Variants in DRD3 observed in about 807,000 individuals in gnomAD.
The protein encoded by DRD3 is dopamine receptor D3, also known as D(3) dopamine receptor.
Under a neutral mutation model 36.3 loss-of-function variants are expected in DRD3, and 19 were observed. The observed-to-expected ratio is 0.52, with a 90% CI of 0.36 to 0.77. The LOEUF is 0.77. DRD3 is among the 30% of genes least tolerant of loss of function. The probability of loss-of-function intolerance (pLI) is 0.00; values close to 1 mark genes in which losing one functional copy is unlikely to be tolerated. For synonymous variants in DRD3, 195 were observed against 203.7 expected, an observed-to-expected ratio of 0.96 and a Z score of 0.36; for missense variants, 465 against 505.3, an observed-to-expected ratio of 0.92 and a Z score of 0.77.
rs138574229 is a variant in DRD3 at position 114,166,078 on chromosome 3, C to T, written c.270+5645G>A. 1.2e-3 allele frequency among the ~76,000 whole-genome samples: 184 copies of T among 151,358 alleles called. 1 individual carries two copies. The highest frequency in any genetic ancestry group is 4.3e-3 in the African/African-American group (179 of 41,230). ...TCGGCTCACTGCAACCTCTGCCTCC[C>T]GGGTTCAAGCGATTCTTCTGCCTTA... On this transcript the variant is annotated intron_variant, in intron 2 of 6. Transcript: ENST00000383673.
intron 1 of DRD3, among the ~76,000 whole-genome samples, chr3:114,177,391 CTAAGA>C (rs776665196): frequency 1.3e-5 from 2 of 152,112 alleles, no homozygotes; most frequent in Non-Finnish European, 2.9e-5. Flanking sequence ...TACTGAGTAG[CTAAGA>C]TAACAGTTTT....
chr3:114,160,423 T>C (rs2077721913), intron 2 of DRD3, among the ~76,000 whole-genome samples: 1 of 152,138 alleles, frequency 6.6e-6, no homozygotes. Context: ...AAATCTTCAT[T>C]TTTAAATAAA....
In DRD3 at chr3:114,178,068, C is replaced by T. The variant is rs538744057; in HGVS notation, c.-36+589G>A. ...CAATGACTTCTGTTGCCCCAGTAAG[C>T]TACAGCAAGTAATGGAAGTCTCACA... On this transcript the variant is annotated intron_variant, in intron 1 of 6. Transcript: ENST00000383673. 1.2e-4 allele frequency among the ~76,000 whole-genome samples: 19 copies of T among 152,252 alleles called. No homozygotes were observed. The South Asian group carries it at 3.7e-3, about 30-fold the overall frequency.
intron 3 of DRD3, among the ~76,000 whole-genome samples, chr3:114,157,598 G>A (rs533197899): frequency 1.3e-5 from 2 of 152,238 alleles, no homozygotes; most frequent in South Asian, 4.1e-4. Context: ...TGTAGCAACA[G>A]CCTCACATTT....
intron 2 of DRD3, among the ~76,000 whole-genome samples, chr3:114,167,114 C>T (rs753843518): frequency 1.2e-4 from 19 of 152,174 alleles, no homozygotes; most frequent in Non-Finnish European, 2.2e-4. Flanking sequence ...AGTCCGACCT[C>T]GATCGCTTTT....
chr3:114,143,566 G>T (rs1212744936), intron 4 of DRD3, among the ~76,000 whole-genome samples: 1 of 152,212 alleles, frequency 6.6e-6, no homozygotes, highest in Non-Finnish European at 1.5e-5. Context: ...TGATGGATTT[G>T]ACCCCAGCTT....
At chr3:114,192,163 C>T (rs1416537697) in intron 1 of DRD3, among the ~76,000 whole-genome samples, 1 of 152,196 alleles carries the variant, frequency 6.6e-6, no homozygotes, top group Non-Finnish European at 1.5e-5. Context: ...ATTTTGCTTT[C>T]TCTGACTGGG....
Position 114,147,565 on chromosome 3 carries a change from A to G in DRD3, c.384-8T>C. On this transcript the variant is annotated splice_region_variant and splice_polypyrimidine_tract_variant and intron_variant, in intron 3 of 6. Transcript: ENST00000383673. Reference sequence around the variant, plus strand: ...ATGACCACTGCAGTGTACCTGAAAAAGCAAGGGGAGAGGGGATAGGCATGG... The same window carrying G: ...ATGACCACTGCAGTGTACCTGAAAAGGCAAGGGGAGAGGGGATAGGCATGG... The G allele has an allele frequency of 1.9e-6, 3 of 1,605,152 alleles. No homozygotes were observed. Among genetic ancestry groups the G allele is most frequent in the Non-Finnish European group, 2.6e-6 (3 of 1,172,592 alleles).
intron 3 of DRD3, among the ~76,000 whole-genome samples, chr3:114,153,556 A>G (rs533854816): frequency 1.2e-4 from 18 of 152,316 alleles, no homozygotes; most frequent in African/African-American, 4.3e-4. Flanking sequence ...GGTAGTTGTT[A>G]TTATCTCCAC....
chr3:114,190,450 ATATATATATATATTTTTTTTTTTT>A (rs2078003169), intron 1 of DRD3, among the ~76,000 whole-genome samples: 1 of 12,652 alleles, frequency 7.9e-5, no homozygotes, highest in African/African-American at 4.9e-4. Flanking sequence ...ATATATATAT[ATATATATATATATTTTTTTTTTTT>A]TTTTTTTTTT....
upstream of DRD3, among the ~76,000 whole-genome samples, chr3:114,182,466 T>C (rs2077953207): frequency 6.6e-6 from 1 of 151,370 alleles, no homozygotes; most frequent in East Asian, 1.9e-4. Flanking sequence ...AGGAAGGAAA[T>C]AAATAAATGA....
At chr3:114,165,572 A>T (rs2077775886) in intron 2 of DRD3, among the ~76,000 whole-genome samples, 2 of 152,224 alleles carry the variant, frequency 1.3e-5, no homozygotes, top group African/African-American at 4.8e-5. Flanking sequence ...AGGGAAAATA[A>T]AGGAGTAGTT....
At chr3:114,142,419 C>T (rs1366864521) in intron 4 of DRD3, among the ~76,000 whole-genome samples, 1 of 152,190 alleles carries the variant, frequency 6.6e-6, no homozygotes, top group East Asian at 1.9e-4. Context: ...TTCCTACCCA[C>T]TCTGGGTTCT....
At chr3:114,169,378 G>A (rs2077817529) in intron 2 of DRD3, among the ~76,000 whole-genome samples, 2 of 148,778 alleles carry the variant, frequency 1.3e-5, no homozygotes, top group Admixed American at 6.6e-5. Context: ...GAAGCAAATT[G>A]GTAAGACCAA....
intron 1 of DRD3, among the ~76,000 whole-genome samples, chr3:114,177,597 CTG>C (rs2077912827): frequency 1.3e-5 from 2 of 152,114 alleles, no homozygotes; most frequent in South Asian, 4.1e-4. Flanking sequence ...TGAGTAGAAA[CTG>C]TTCGGTATTT....
At chr3:114,188,295 C>A (rs1349745506) in intron 1 of DRD3, among the ~76,000 whole-genome samples, 1 of 148,920 alleles carries the variant, frequency 6.7e-6, no homozygotes, top group African/African-American at 2.5e-5. Flanking sequence ...TTCACTGCAA[C>A]CTCCGCCTCA....
intron 3 of DRD3, 57 bp downstream of exon 3, chr3:114,159,698 T>G: frequency 6.9e-7 from 1 of 1,457,122 alleles, no homozygotes; most frequent in Non-Finnish European, 9.6e-7. Flanking sequence ...GTGCACAATC[T>G]GTCTCTCCCC....
rs532001967 is a variant in DRD3 at position 114,128,602 on chromosome 3, G to T, written c.*114C>A. On this transcript the variant is annotated 3_prime_UTR_variant, in exon 7 of 7. Coordinates refer to ENST00000383673, the MANE Select transcript of DRD3 (RefSeq NM_000796.6). Reference sequence around the variant, plus strand: ...ATACCTGACAAGCAGGGACATCCTGGCTCCAGGAATCTTCTTCCTACTGCA... The same window carrying T: ...ATACCTGACAAGCAGGGACATCCTGTCTCCAGGAATCTTCTTCCTACTGCA... The T allele has an allele frequency of 4.6e-6, 5 of 1,079,116 alleles. No homozygotes were observed. The highest frequency in any genetic ancestry group is 5.1e-6 in the Non-Finnish European group (4 of 779,722). 66.8% of individuals were successfully genotyped at this position (1,079,116 alleles called of 1,614,324 possible).
intron 1 of DRD3, chr3:114,176,002 A>C (rs1393712600): frequency 6.6e-6 from 1 of 152,200 alleles, no homozygotes; most frequent in Non-Finnish European, 1.5e-5. Context: ...GGCATCTCTT[A>C]GAGTGAGTGC....
Sources: allele counts gnomAD v4.1 joint callset (sites outside exome capture counted in the v4.1 genomes callset), GRCh38; gene constraint gnomAD v4.1.1; transcripts MANE v1.5; gene names NCBI Gene and HGNC (gene_info 2026-07-23, HGNC 2026-07-21).